The following CBS variants were observed in gnomAD, a reference collection of about 807,000 sequenced individuals.
CBS encodes the protein cystathionine beta-synthase.
For synonymous variants in CBS, 23 were observed against 52.2 expected (o/e 0.44, Z 2.41); for missense variants, 27 against 124.8 (o/e 0.22, Z 3.73).
chr21:43,060,662 G>A (rs74677118), intron 11 of CBS, 116 bp from the exon 12 acceptor site: 2 of 1,790 alleles, frequency 1.1e-3, no homozygotes, highest in East Asian at 0.024. Context: ...CGAAGGATCC[G>A]TCAAGAGGGG....
chr21:43,066,223 C>A lies in CBS; in HGVS notation c.451+20G>T, dbSNP rs1057520922. 5 of 1,359,824 alleles carry A rather than the reference C, an allele frequency of 3.7e-6. 1 individual carries two copies. The East Asian group carries it at 6.9e-5, about 19-fold the overall frequency. The allele number at this position is 1,359,824 out of a possible 1,614,324, so 84.2% of individuals were successfully genotyped here. On this transcript the variant is annotated intron_variant, in intron 5 of 16. Transcript: ENST00000398165. ...AGGGGACAGCCAGCCCTGGCCACCC[C>A]CTCTGGGCCTGGCACCCACCGGTGT...
rs1289061897 is a variant in CBS, at chr21:43,068,325, C to T, written c.316+184G>A. 5 of 371,950 alleles carry T rather than the reference C, an allele frequency of 1.3e-5. No individual in the cohort carries two copies. The East Asian group carries it at 1.9e-4, about 14-fold the overall frequency. The allele number at this position is 371,950 out of a possible 1,614,324, so 23.0% of individuals were successfully genotyped here. A position where few individuals can be genotyped will look rare whatever the true frequency, so the allele number is the denominator to read the frequency against. ...GAGTCACTTTGGTCACCCTCTGACA[C>T]AATGCCCTGTTGTGTGTTTTTCCCA... is the stretch of plus-strand genomic sequence containing the variant. On this transcript the variant is annotated intron_variant, in intron 4 of 16. Transcript: ENST00000398165.
intron 16 of CBS, chr21:43,055,968 T>TG (rs1170066026): frequency 7.4e-5 from 2 of 27,000 alleles, no homozygotes. Flanking sequence ...AGCTTGGGGG[T>TG]GGGTCCAGGA....
At position 43,068,565 on chromosome 21, in the gene CBS, G is replaced by T; in HGVS notation, c.260C>A (p.Thr87Asn). The change falls in exon 4 of 17, where the codon ACC (threonine) becomes AAC (asparagine). Residue 87 changes from threonine (T) to asparagine (N), a missense_variant. Coordinates refer to ENST00000398165, the MANE Select transcript of CBS (RefSeq NM_000071.3). ...AATCTTGTTGATTCTGACCATAGGG[G>T]TGTCCCCGATTTTCTTCAGAATATC... ...LPDILKKIGD[T>N]PMVRINKIGK... 2.4e-6 allele frequency: 1 copy of T among 418,444 alleles called. No individual in the cohort carries two copies. Among genetic ancestry groups the T allele is most frequent in the Non-Finnish European group, 4.3e-6 (1 of 232,888 alleles). 25.9% of individuals were successfully genotyped at this position (418,444 alleles called of 1,614,324 possible).
intron 4 of CBS, among the ~76,000 whole-genome samples, chr21:43,066,972 A>G (rs1290559694): frequency 7.2e-6 from 1 of 139,424 alleles, no homozygotes; most frequent in African/African-American, 2.7e-5. Flanking sequence ...TCCAGCTCTT[A>G]AAAATATTTA....
chr21:43,076,869 T>TTG (rs1983747460), upstream of CBS: 2 of 128,238 alleles, frequency 1.6e-5, 1 homozygote, highest in Non-Finnish European at 3.6e-5. Flanking sequence ...TCCGCCGCGG[T>TTG]CTCTGCCACG....
At chr21:43,063,649 A>C (rs1601354778) in intron 9 of CBS, among the ~76,000 whole-genome samples, 3 of 123,874 alleles carry the variant, frequency 2.4e-5, no homozygotes, top group African/African-American at 5.8e-5. Context: ...TGGAACTCCG[A>C]CCCCCCACTC....
At position 43,066,216 on chromosome 21, in the gene CBS, G is replaced by A; in HGVS notation, c.451+27C>T. 3 of 1,359,868 alleles carry A rather than the reference G, an allele frequency of 2.2e-6. 1 individual carries two copies. The highest frequency in any genetic ancestry group is 3.0e-6 in the Non-Finnish European group (3 of 1,004,906). 84.2% of individuals were successfully genotyped at this position (1,359,868 alleles called of 1,614,324 possible). A position where few individuals can be genotyped will look rare whatever the true frequency, so the allele number is the denominator to read the frequency against. On this transcript the variant is annotated intron_variant, in intron 5 of 16. Transcript: ENST00000398165. ...CATGGGTAGGGGACAGCCAGCCCTG[G>A]CCACCCCCTCTGGGCCTGGCACCCA...
At chr21:43,068,450 C>T in intron 4 of CBS, 59 bp downstream of exon 4, 1 of 198,524 alleles carries the variant, frequency 5.0e-6, no homozygotes, top group Non-Finnish European at 9.8e-6. Context: ...CAGGACCCCC[C>T]AGGCCCACGG....
rs142215670 is a variant in CBS at position 43,066,602 on chromosome 21, G to A, written c.317-225C>T. ...GCCCATCCTACCGGTCCTGCAGGGC[G>A]CTGAGCAACTCTGTGGGAACCAGAG... On this transcript the variant is annotated intron_variant, in intron 4 of 16. Coordinates refer to ENST00000398165, the MANE Select transcript of CBS (RefSeq NM_000071.3). Among the ~76,000 whole-genome samples the A allele has an allele frequency of 4.5e-4, 27 of 59,350 alleles. 1 individual carries two copies. The highest frequency in any genetic ancestry group is 3.4e-3 in the African/African-American group (21 of 6,250). The allele number at this position is 59,350 out of a possible 152,430, so 38.9% of individuals were successfully genotyped here. A position where few individuals can be genotyped will look rare whatever the true frequency, so the allele number is the denominator to read the frequency against.
rs139577764 is a variant in CBS at position 43,065,967 on chromosome 21, C to T, written c.452-272G>A. The stretch of plus-strand genomic sequence containing the variant: ...TGGTTCCTCCAGGCCCAGCCGGGTA[C>T]ACAGGCACAGGAAGAGCAGACTCCG... On this transcript the variant is annotated intron_variant, in intron 5 of 16. Transcript: ENST00000398165. Among the ~76,000 whole-genome samples, 169 of 55,270 alleles carry T rather than the reference C, an allele frequency of 3.1e-3. 9 individuals are homozygous for T. The highest frequency in any genetic ancestry group is 4.3e-3 in the Non-Finnish European group (125 of 29,338). The allele number at this position is 55,270 out of a possible 152,430, so 36.3% of individuals were successfully genotyped here. A position where few individuals can be genotyped will look rare whatever the true frequency, so the allele number is the denominator to read the frequency against.
rs1021648459 is a variant in CBS, at chr21:43,066,757, C to T, written c.317-380G>A. Among the ~76,000 whole-genome samples the T allele has an allele frequency of 4.3e-5, 4 of 93,680 alleles. 1 individual carries two copies. Among genetic ancestry groups the T allele is most frequent in the African/African-American group, 7.8e-5 (1 of 12,844 alleles). The allele number at this position is 93,680 out of a possible 152,430, so 61.5% of individuals were successfully genotyped here. A position where few individuals can be genotyped will look rare whatever the true frequency, so the allele number is the denominator to read the frequency against. On this transcript the variant is annotated intron_variant, in intron 4 of 16. Coordinates refer to ENST00000398165, the MANE Select transcript of CBS (RefSeq NM_000071.3). ...CCTATGCCCAGCCATACCCAGCGGC[C>T]CCTGCCAAAGCAGCTTGATGTCCTG...
At chr21:43,061,414 C>CT (rs34547320) in intron 11 of CBS, among the ~76,000 whole-genome samples, 18 of 128 alleles carry the variant, frequency 0.14, 5 homozygotes, top group East Asian at 0.33. Flanking sequence ...ACATCGGCTA[C>CT]TTTTTTTTTT....
rs234715 is a variant in CBS, at chr21:43,068,285, G to T, written c.316+224C>A. 8 of 424,246 alleles carry T rather than the reference G, an allele frequency of 1.9e-5. No individual in the cohort carries two copies. Among genetic ancestry groups the T allele is most frequent in the Non-Finnish European group, 3.1e-5 (7 of 223,738 alleles). The allele number at this position is 424,246 out of a possible 1,614,324, so 26.3% of individuals were successfully genotyped here. A position where few individuals can be genotyped will look rare whatever the true frequency, so the allele number is the denominator to read the frequency against. Reference sequence around the variant, plus strand: ...TTCAAAGGTCACCTGTTCGTTCCCTGGTCCATCTGCTGGGGAGTCACTTTG... The same window carrying T: ...TTCAAAGGTCACCTGTTCGTTCCCTTGTCCATCTGCTGGGGAGTCACTTTG... On this transcript the variant is annotated intron_variant, in intron 4 of 16. Coordinates refer to ENST00000398165, the MANE Select transcript of CBS (RefSeq NM_000071.3).
chr21:43,066,223 C>G lies in CBS; in HGVS notation c.451+20G>C, dbSNP rs1057520922. ...AGGGGACAGCCAGCCCTGGCCACCC[C>G]CTCTGGGCCTGGCACCCACCGGTGT... is the stretch of plus-strand genomic sequence containing the variant. On this transcript the variant is annotated intron_variant, in intron 5 of 16. Coordinates refer to ENST00000398165, the MANE Select transcript of CBS (RefSeq NM_000071.3). The G allele has an allele frequency of 5.9e-6, 8 of 1,359,824 alleles. 3 individuals are homozygous for G. The highest frequency in any genetic ancestry group is 4.6e-5 in the East Asian group (2 of 43,770). The allele number at this position is 1,359,824 out of a possible 1,614,324, so 84.2% of individuals were successfully genotyped here.
intron 8 of CBS, among the ~76,000 whole-genome samples, chr21:43,064,887 AGCCTGG>A (rs569925114): frequency 3.7e-4 from 1 of 2,686 alleles, no homozygotes; most frequent in Admixed American, 2.3e-3. Flanking sequence ...GCCCAGCACC[AGCCTGG>A]GCCCTGAACA....
chr21:43,066,984 T>G (rs1601369359), intron 4 of CBS, among the ~76,000 whole-genome samples: 1 of 139,868 alleles, frequency 7.1e-6, no homozygotes, highest in Non-Finnish European at 1.6e-5. Context: ...AAATATTTAG[T>G]TTTTAAGAGC....
rs138282864 is a variant in CBS at position 43,067,791 on chromosome 21, T to A, written c.316+718A>T. The stretch of plus-strand genomic sequence containing the variant: ...CTCCGAACTCACTTGGCCTTGGTCA[T>A]CTGAAATACGAAATTCCGTCCCCGC... On this transcript the variant is annotated intron_variant, in intron 4 of 16. Transcript: ENST00000398165. 9.2e-4 allele frequency: 358 copies of A among 388,678 alleles called. 83 individuals are homozygous for A. Among genetic ancestry groups the A allele is most frequent in the Non-Finnish European group, 1.7e-3 (320 of 192,402 alleles). 24.1% of individuals were successfully genotyped at this position (388,678 alleles called of 1,614,324 possible).
intron 5 of CBS, 93 bp downstream of exon 5, chr21:43,066,150 G>T (rs1982698769): frequency 8.9e-7 from 1 of 1,127,014 alleles, no homozygotes; most frequent in Admixed American, 1.8e-5. Context: ...AGCACATGCG[G>T]CTGCAGCTCA....
Sources: gnomAD v4.1 joint callset for allele counts (sites outside exome capture counted in the v4.1 genomes callset) on GRCh38, gnomAD v4.1.1 for gene constraint, MANE v1.5 for transcripts, NCBI Gene and HGNC (gene_info 2026-07-23, HGNC 2026-07-21) for gene names.